The following CRYAB variants were observed in gnomAD, a reference collection of about 807,000 sequenced individuals.
The protein encoded by CRYAB is alpha-crystallin B chain.
A neutral mutation model predicts 12.7 loss-of-function variants in CRYAB; 9 were observed. The observed-to-expected ratio is 0.71, with a 90% confidence interval of 0.43 to 1.24. CRYAB has a LOEUF of 1.24. Ranked by LOEUF, CRYAB falls within the 50% of genes most tolerant of loss-of-function variation. CRYAB has a pLI of 0.00. For missense variants in CRYAB, 183 were observed against 226.6 expected, an observed-to-expected ratio of 0.81 and a Z score of 1.24; for synonymous variants, 93 against 86.8, an observed-to-expected ratio of 1.07 and a Z score of -0.40.
At chr11:111,917,874 GTAA>G (rs1387297010), upstream of CRYAB, among the ~76,000 whole-genome samples, 5 of 151,996 alleles carry the variant, frequency 3.3e-5, no homozygotes, top group African/African-American at 4.8e-5. Flanking sequence ...AAGATGCTTT[GTAA>G]TAATAACAAC....
chr11:111,914,214 A>G, upstream of CRYAB: 2 of 272,720 alleles, frequency 7.3e-6, no homozygotes, highest in Non-Finnish European at 1.4e-5. Flanking sequence ...TAGGACCCTG[A>G]GCTCGCACTT....
upstream of CRYAB, among the ~76,000 whole-genome samples, chr11:111,917,075 G>A (rs1057317816): frequency 2.6e-5 from 4 of 152,042 alleles, no homozygotes; most frequent in African/African-American, 4.8e-5. Context: ...TATTGCCCAG[G>A]TTGATCTTGA....
upstream of CRYAB, chr11:111,914,027 TCCCATG>T: frequency 1.2e-6 from 1 of 817,426 alleles, no homozygotes; most frequent in Admixed American, 2.9e-5. Context: ...TATGGTTTGG[TCCCATG>T]GGACATGTCA....
intron 2 of CRYAB, chr11:111,909,680 G>T (rs1187698176): frequency 9.8e-6 from 2 of 204,594 alleles, no homozygotes; most frequent in East Asian, 1.2e-4. Flanking sequence ...GGCTGTAGGG[G>T]ATTAAAGACT....
upstream of CRYAB, chr11:111,913,283 C>T: frequency 6.0e-6 from 4 of 666,834 alleles, no homozygotes; most frequent in Non-Finnish European, 2.7e-6. Flanking sequence ...TCCGAGCTGC[C>T]TTCTCCTCCT....
intron 1 of CRYAB, chr11:111,919,280 C>A: frequency 2.3e-6 from 1 of 428,920 alleles, no homozygotes; most frequent in Non-Finnish European, 4.3e-6. Context: ...CGAGACCATC[C>A]TAGCCAACAT....
At chr11:111,912,863 G>A (rs781986564), upstream of CRYAB, 1 of 1,608,440 alleles carries the variant, frequency 6.2e-7, no homozygotes, top group East Asian at 2.2e-5. Flanking sequence ...TGCCCACCCG[G>A]CCACCGCCGA....
At chr11:111,917,904 T>C (rs1194806583), upstream of CRYAB, 2 of 152,158 alleles carry the variant, frequency 1.3e-5, no homozygotes, top group African/African-American at 4.8e-5. Flanking sequence ...TAACTCTTAC[T>C]GAGTGTGTCC....
intron 1 of CRYAB, among the ~76,000 whole-genome samples, chr11:111,919,647 C>T (rs1444987249): frequency 6.6e-6 from 1 of 152,128 alleles, no homozygotes; most frequent in Non-Finnish European, 1.5e-5. Context: ...TTCTATGTGC[C>T]AGACATTTTA....
At chr11:111,912,852 A>G (rs782199553), upstream of CRYAB, 27 of 1,606,674 alleles carry the variant, frequency 1.7e-5, no homozygotes, top group Admixed American at 4.4e-4. Context: ...TCAGTGCCAC[A>G]TGCCCACCCG....
chr11:111,912,708 T>C (rs1239545645), upstream of CRYAB: 6 of 615,168 alleles, frequency 9.8e-6, no homozygotes, highest in Non-Finnish European at 1.4e-5. Context: ...CGGCACTATT[T>C]TGGGTGGTGT....
rs1555165274 is a variant in CRYAB, at chr11:111,909,005, G to A, written c.325-38C>T. The A allele has an allele frequency of 2.5e-6, 4 of 1,606,642 alleles. 1 individual carries two copies. In the South Asian group the frequency reaches 3.3e-5, roughly 13 times the overall value. On this transcript the variant is annotated intron_variant, in intron 2 of 2. Transcript: ENST00000650687. Reference sequence around the variant, plus strand: ...AATGAGGAAAGAGGCAGAGAGATAAGAACAGGAACTATTATCACCTGCCCA... The same window carrying A: ...AATGAGGAAAGAGGCAGAGAGATAAAAACAGGAACTATTATCACCTGCCCA...
chr11:111,910,503 A>C, intron 1 of CRYAB, 54 bp from the exon 2 acceptor site: 3 of 1,604,172 alleles, frequency 1.9e-6, no homozygotes, highest in Non-Finnish European at 2.6e-6. Context: ...AAAAATACTG[A>C]TTACACAGGT....
At chr11:111,922,807 C>T (rs1592519534) in intron 1 of CRYAB, among the ~76,000 whole-genome samples, 1 of 152,168 alleles carries the variant, frequency 6.6e-6, no homozygotes, top group Admixed American at 6.5e-5. Flanking sequence ...GGAATTGCTA[C>T]ATCAGAGGGT....
intron 1 of CRYAB, chr11:111,918,826 G>A: frequency 1.2e-6 from 1 of 819,336 alleles, no homozygotes. Flanking sequence ...ATTCCAGCAG[G>A]TGGCTTCAAA....
At chr11:111,917,274 A>G (rs115536136), upstream of CRYAB, among the ~76,000 whole-genome samples, 1,553 of 152,328 alleles carry the variant, frequency 0.01, 27 homozygotes, top group African/African-American at 0.035. Flanking sequence ...TGTATCCTGT[A>G]GGTGATAGGA....
At chr11:111,920,786 G>C (rs1406731741) in intron 1 of CRYAB, among the ~76,000 whole-genome samples, 1 of 151,980 alleles carries the variant, frequency 6.6e-6, no homozygotes, top group African/African-American at 2.4e-5. Flanking sequence ...AAAAATAAAA[G>C]GGCAGAAGTA....
At chr11:111,913,115 A>C, upstream of CRYAB, 1 of 597,238 alleles carries the variant, frequency 1.7e-6, no homozygotes, top group Non-Finnish European at 3.0e-6. Context: ...CTCAAGACAC[A>C]CTTGGTGCTT....
chr11:111,913,965 T>C (rs951474582), upstream of CRYAB: 26 of 1,324,336 alleles, frequency 2.0e-5, no homozygotes, highest in Non-Finnish European at 2.7e-5. Flanking sequence ...TGCCCACCAC[T>C]CCAGAGGTAG....
Sources: allele counts gnomAD v4.1 joint callset (sites outside exome capture counted in the v4.1 genomes callset), GRCh38; gene constraint gnomAD v4.1.1; transcripts MANE v1.5; gene names NCBI Gene and HGNC (gene_info 2026-07-23, HGNC 2026-07-21).